SLC25A24: variants seen among roughly 807,000 people sequenced by gnomAD.
SLC25A24 encodes the protein solute carrier family 25 member 24, also known as mitochondrial adenyl nucleotide antiporter SLC25A24.
Under a neutral mutation model 60.7 loss-of-function variants are expected in SLC25A24, and 49 were observed. The observed-to-expected ratio is 0.81, with a 90% CI of 0.64 to 1.02. The LOEUF is 1.02. Among genes scored for constraint, SLC25A24 ranks in the 50% least tolerant of loss-of-function variants. SLC25A24 has a pLI of 0.00. For synonymous variants in SLC25A24, 202 were observed against 200.6 expected, an observed-to-expected ratio of 1.01 and a Z score of -0.06; for missense variants, 564 against 586.3, an observed-to-expected ratio of 0.96 and a Z score of 0.39.
At chr1:108,171,530 G>A (rs11185296) in intron 3 of SLC25A24, among the ~76,000 whole-genome samples, 5,498 of 152,128 alleles carry the variant, frequency 0.036, 289 homozygotes, top group East Asian at 0.28. Flanking sequence ...CTGCCTCCAG[G>A]GCTGTATATG....
At chr1:108,153,292 A>C (rs1679803704) in intron 6 of SLC25A24, among the ~76,000 whole-genome samples, 1 of 152,188 alleles carries the variant, frequency 6.6e-6, no homozygotes, top group Non-Finnish European at 1.5e-5. Context: ...GGTTGAAAAG[A>C]TCTTTTTCTT....
chr1:108,193,502 G>A (rs566593520), intron 1 of SLC25A24, among the ~76,000 whole-genome samples: 1 of 140,106 alleles, frequency 7.1e-6, no homozygotes, highest in Admixed American at 8.0e-5. Context: ...TTGCTGCAAA[G>A]GACATGATTT....
At chr1:108,140,073 G>C (rs1194956533) in intron 8 of SLC25A24, among the ~76,000 whole-genome samples, 1 of 151,936 alleles carries the variant, frequency 6.6e-6, no homozygotes, top group South Asian at 2.1e-4. Flanking sequence ...GATACTTTAA[G>C]TATAAAATAC....
At chr1:108,162,584 A>G (rs1171370406) in intron 3 of SLC25A24, among the ~76,000 whole-genome samples, 1,960 of 151,958 alleles carry the variant, frequency 0.013, 44 homozygotes, top group African/African-American at 0.045. Context: ...TGGCTGCATA[A>G]ATGTCTTCTT....
At position 108,134,388 on chromosome 1, in the gene SLC25A24, A is replaced by AT. The variant is rs1679223749; in HGVS notation, c.*2264dup. 1 of 152,240 alleles carries AT rather than the reference A, an allele frequency of 6.6e-6. No homozygotes were observed. The highest frequency in any genetic ancestry group is 2.4e-5 in the African/African-American group (1 of 41,464). 9.4% of individuals were successfully genotyped at this position (152,240 alleles called of 1,614,324 possible). On this transcript the variant is annotated 3_prime_UTR_variant, in exon 10 of 10. Transcript: ENST00000565488. ...AAATCAAATTTTGGATGTAATCTGC[A>AT]TTATGAAATTTTAAAAAATTACTTA...
intron 4 of SLC25A24, among the ~76,000 whole-genome samples, chr1:108,158,432 C>A (rs1030518460): frequency 6.6e-6 from 1 of 152,092 alleles, no homozygotes; most frequent in African/African-American, 2.4e-5. Flanking sequence ...AATGGAGATA[C>A]AATTGTAGTC....
intron 9 of SLC25A24, among the ~76,000 whole-genome samples, chr1:108,138,507 A>G (rs1314344709): frequency 6.6e-6 from 1 of 151,008 alleles, no homozygotes; most frequent in Non-Finnish European, 1.5e-5. Context: ...TGGCAGAACA[A>G]CCAGGATGGT....
rs550748545 is a variant in SLC25A24 at position 108,199,765 on chromosome 1, C to A, written c.183+191G>T. On this transcript the variant is annotated intron_variant, in intron 1 of 9. Transcript: ENST00000565488. ...ATACCAGTAGACTTTCGTATTATGA[C>A]CCACTTCTGTTACCGGGGTCGCCGG... 1.8e-4 allele frequency: 106 copies of A among 598,708 alleles called. 1 individual carries two copies. In the South Asian group the frequency reaches 2.1e-3, roughly 12 times the overall value. 37.1% of individuals were successfully genotyped at this position (598,708 alleles called of 1,614,324 possible). A position where few individuals can be genotyped will look rare whatever the true frequency, so the allele number is the denominator to read the frequency against.
Position 108,148,364 on chromosome 1 carries a change from T to C in SLC25A24, c.845A>G (p.Glu282Gly). The change falls in exon 7 of 10, where the codon GAA becomes GGA. Residue 282 changes from glutamate to glycine, a missense_variant. By Grantham distance (98) the Glu-to-Gly change is moderately conservative. Coordinates refer to ENST00000565488, the MANE Select transcript of SLC25A24 (RefSeq NM_013386.5). ...YEQYKKLLTE[E>G]GQKIGTFERF... is the part of the protein sequence containing the mutation. ...CTCAAATGTTCCTATTTTTTGTCCT[T>C]CTTCAGTAAGTAACTTCTTGTACTG... 6 of 1,610,296 alleles carry C rather than the reference T, an allele frequency of 3.7e-6. No individual in the cohort carries two copies. Among genetic ancestry groups the C allele is most frequent in the Non-Finnish European group, 5.1e-6 (6 of 1,176,720 alleles).
chr1:108,151,472 C>T (rs1480003695), intron 6 of SLC25A24, among the ~76,000 whole-genome samples: 2 of 152,166 alleles, frequency 1.3e-5, no homozygotes, highest in Non-Finnish European at 2.9e-5. Context: ...AAAAGATATT[C>T]TTATTATATT....
At chr1:108,188,822 T>C (rs1313177014) in intron 1 of SLC25A24, among the ~76,000 whole-genome samples, 1 of 152,200 alleles carries the variant, frequency 6.6e-6, no homozygotes, top group Non-Finnish European at 1.5e-5. Flanking sequence ...CCCAAGTCCT[T>C]AGGCATGCAT....
chr1:108,185,958 T>C lies in SLC25A24; in HGVS notation c.184-4A>G. 6.5e-7 allele frequency: 1 copy of C among 1,538,640 alleles called. No individual in the cohort carries two copies. Among genetic ancestry groups the C allele is most frequent in the Non-Finnish European group, 8.8e-7 (1 of 1,136,332 alleles). ...CATCTCCAGTAGTAAAAATTTTCTA[T>C]AAAAAAAAATTAGAGAGAAGTTATT... On this transcript the variant is annotated splice_polypyrimidine_tract_variant and splice_region_variant and intron_variant, in intron 1 of 9. Coordinates refer to ENST00000565488, the MANE Select transcript of SLC25A24 (RefSeq NM_013386.5).
intron 1 of SLC25A24, chr1:108,192,376 G>C (rs1240609169): frequency 1.5e-6 from 1 of 673,154 alleles, no homozygotes; most frequent in Non-Finnish European, 2.5e-6. Flanking sequence ...TCAACGACCT[G>C]AACACTGCAG....
intron 3 of SLC25A24, among the ~76,000 whole-genome samples, chr1:108,180,225 C>G (rs1250021295): frequency 6.6e-6 from 1 of 151,850 alleles, no homozygotes. Flanking sequence ...AATAGCCAGG[C>G]GTGGTGGCGC....
chr1:108,155,202 C>A, intron 5 of SLC25A24, 67 bp from the exon 6 acceptor site: 3 of 1,397,616 alleles, frequency 2.1e-6, no homozygotes, highest in Non-Finnish European at 2.9e-6. Flanking sequence ...CTAGAACAAC[C>A]ACACAATCTT....
intron 7 of SLC25A24, among the ~76,000 whole-genome samples, chr1:108,147,990 T>C (rs1158586440): frequency 6.6e-6 from 1 of 152,082 alleles, no homozygotes; most frequent in East Asian, 1.9e-4. Context: ...GCTCACGTGA[T>C]AAGGAACTGA....
chr1:108,181,793 A>G, intron 3 of SLC25A24, 148 bp downstream of exon 3: 1 of 653,602 alleles, frequency 1.5e-6, no homozygotes, highest in East Asian at 2.7e-5. Context: ...GTACACATAC[A>G]AAATGAATGG....
intron 1 of SLC25A24, among the ~76,000 whole-genome samples, chr1:108,193,982 G>A (rs1648422218): frequency 1.4e-5 from 2 of 139,298 alleles, no homozygotes. Context: ...ATATGGAGGT[G>A]CAGTTTCACA....
At chr1:108,166,668 T>C (rs1256106776) in intron 3 of SLC25A24, among the ~76,000 whole-genome samples, 4 of 151,980 alleles carry the variant, frequency 2.6e-5, no homozygotes, top group Non-Finnish European at 5.9e-5. Context: ...CACTTCTCTG[T>C]ATTGGTTATT....
Sources: gnomAD v4.1 joint callset for allele counts (sites outside exome capture counted in the v4.1 genomes callset) on GRCh38, gnomAD v4.1.1 for gene constraint, MANE v1.5 for transcripts, NCBI Gene and HGNC (gene_info 2026-07-23, HGNC 2026-07-21) for gene names.